The following OCA2 variants were observed in gnomAD, a reference collection of about 807,000 sequenced individuals.
OCA2 encodes the protein OCA2 melanosomal transmembrane protein, also known as P protein.
A neutral mutation model predicts 100.2 loss-of-function variants in OCA2; 77 were observed. That is an observed-to-expected ratio of 0.77 (90% CI 0.64 to 0.93). The LOEUF (loss-of-function observed/expected upper bound fraction) is 0.93. OCA2 is among the 40% of genes least tolerant of loss of function. The pLI, the probability that OCA2 is intolerant of heterozygous loss-of-function variation, is 0.00. For synonymous variants in OCA2, 432 were observed against 439.2 expected, an observed-to-expected ratio of 0.98 and a Z score of 0.21; for missense variants, 1,062 against 1,089.1, an observed-to-expected ratio of 0.98 and a Z score of 0.35.
chr15:27,824,602 C>CTCTCTCTCTCTCTCTCTCTATATA lies in OCA2; in HGVS notation c.2432+20356_2432+20357insTATATAGAGAGAGAGAGAGAGAGA. ...TTTCTCTCTCTCTCTCTCTCTCTCTCTATATATATATATATATATAATATA... is the reference window on the plus strand; with the variant it reads ...TTTCTCTCTCTCTCTCTCTCTCTCTCTCTCTCTCTCTCTCTCTCTATATATATATATATATATATATATAATATA... On this transcript the variant is annotated intron_variant, in intron 23 of 23. Transcript: ENST00000354638. Among the ~76,000 whole-genome samples, 286 of 47,556 alleles carry CTCTCTCTCTCTCTCTCTCTATATA rather than the reference C, an allele frequency of 6.0e-3. 12 individuals are homozygous for CTCTCTCTCTCTCTCTCTCTATATA. The highest frequency in any genetic ancestry group is 0.019 in the East Asian group (1 of 54). The allele number at this position is 47,556 out of a possible 152,430, so 31.2% of individuals were successfully genotyped here.
chr15:28,028,207 T>TTG, intron 3 of OCA2, 148 bp from the exon 4 acceptor site: 1 of 920,216 alleles, frequency 1.1e-6, no homozygotes, highest in South Asian at 1.4e-5. Flanking sequence ...CTCATACTGG[T>TTG]GGGAATGGGT....
chr15:27,752,510 T>C (rs978237328), downstream of OCA2, among the ~76,000 whole-genome samples: 23 of 152,166 alleles, frequency 1.5e-4, no homozygotes, highest in South Asian at 2.1e-4. Context: ...TTTCATCTGC[T>C]GAGGAGCAAA....
At chr15:28,095,872 C>CT (rs768124321) in intron 1 of OCA2, among the ~76,000 whole-genome samples, 1 of 152,204 alleles carries the variant, frequency 6.6e-6, no homozygotes, top group Non-Finnish European at 1.5e-5. Flanking sequence ...TGGACAGTGT[C>CT]TAACATCCAG....
intron 2 of OCA2, among the ~76,000 whole-genome samples, chr15:28,033,392 T>A (rs145124682): frequency 1.3e-3 from 200 of 152,342 alleles, no homozygotes; most frequent in African/African-American, 4.6e-3. Context: ...GAAGAAATTT[T>A]AAGAAAAATA....
At chr15:27,784,299 G>A (rs1203233690) in intron 23 of OCA2, among the ~76,000 whole-genome samples, 1 of 152,158 alleles carries the variant, frequency 6.6e-6, no homozygotes, top group African/African-American at 2.4e-5. Flanking sequence ...GAAGGTTAGG[G>A]TGCATTGAGG....
At chr15:28,003,782 T>C (rs566131809) in intron 9 of OCA2, among the ~76,000 whole-genome samples, 1 of 152,276 alleles carries the variant, frequency 6.6e-6, no homozygotes, top group Non-Finnish European at 1.5e-5. Flanking sequence ...GTCCCACCCC[T>C]AGCCCAGCCT....
At chr15:27,996,280 A>G (rs986701065) in intron 9 of OCA2, among the ~76,000 whole-genome samples, 1 of 152,244 alleles carries the variant, frequency 6.6e-6, no homozygotes, top group African/African-American at 2.4e-5. Flanking sequence ...CAAAATCATT[A>G]GCCTGATTGG....
intron 1 of OCA2, among the ~76,000 whole-genome samples, chr15:28,098,942 C>A (rs1435342883): frequency 1.3e-5 from 2 of 152,238 alleles, no homozygotes; most frequent in Admixed American, 1.3e-4. Flanking sequence ...CCAAACTCCC[C>A]CCACCCATGA....
intron 23 of OCA2, among the ~76,000 whole-genome samples, chr15:27,828,354 G>A (rs905689212): frequency 2.6e-5 from 4 of 152,104 alleles, no homozygotes; most frequent in Admixed American, 6.6e-5. Flanking sequence ...GCTCAGTGCC[G>A]GCATCCCTAG....
intron 14 of OCA2, among the ~76,000 whole-genome samples, chr15:27,972,206 G>A (rs1011673929): frequency 2.6e-5 from 4 of 152,068 alleles, no homozygotes; most frequent in South Asian, 2.1e-4. Flanking sequence ...GTATATACAC[G>A]CATATCTCTC....
chr15:27,922,680 G>GGTGTGTGTGTGTGTGTGT (rs60426286), intron 19 of OCA2, among the ~76,000 whole-genome samples: 8 of 147,208 alleles, frequency 5.4e-5, no homozygotes, highest in African/African-American at 1.7e-4. Context: ...TTTTGTTTGG[G>GGTGTGTGTGTGTGTGTGT]GTGTGTGTGT....
At chr15:27,740,286 G>A in the OCA2 span, among the ~76,000 whole-genome samples, 1 of 152,158 alleles carries the variant, frequency 6.6e-6, no homozygotes, top group African/African-American at 2.4e-5. Context: ...CAGCTTGAGT[G>A]TTCTTGGCTG....
chr15:27,932,392 C>T (rs1016538384), intron 18 of OCA2, among the ~76,000 whole-genome samples: 2 of 151,998 alleles, frequency 1.3e-5, no homozygotes, highest in East Asian at 1.9e-4. Context: ...GCATGTAATG[C>T]GCCACCTGAG....
chr15:27,833,649 CA>C (rs1239413864), intron 23 of OCA2, among the ~76,000 whole-genome samples: 1 of 152,134 alleles, frequency 6.6e-6, no homozygotes, highest in Non-Finnish European at 1.5e-5. Flanking sequence ...TACATAAAAG[CA>C]ATCATTTAGG....
chr15:28,013,800 G>C (rs533087722), intron 9 of OCA2, among the ~76,000 whole-genome samples: 31 of 152,264 alleles, frequency 2.0e-4, no homozygotes, highest in African/African-American at 7.5e-4. Context: ...TCAAATCACA[G>C]GGTGGTCATG....
chr15:27,856,529 C>T (rs1285053148), intron 21 of OCA2, among the ~76,000 whole-genome samples: 1 of 152,086 alleles, frequency 6.6e-6, no homozygotes, highest in East Asian at 1.9e-4. Flanking sequence ...CAATAACGAC[C>T]TTGTCCTCCA....
At chr15:27,929,338 T>C in intron 18 of OCA2, among the ~76,000 whole-genome samples, 1 of 152,230 alleles carries the variant, frequency 6.6e-6, no homozygotes, top group East Asian at 1.9e-4. Context: ...TATACCCATA[T>C]ATTTATGGTC....
In OCA2 at chr15:28,004,563, AAC is replaced by A. The variant is rs1002272756; in HGVS notation, c.1044+10211_1044+10212del. Among the ~76,000 whole-genome samples, 14 of 151,514 alleles carry A rather than the reference AAC, an allele frequency of 9.2e-5. No individual in the cohort carries two copies. The South Asian group carries it at 1.3e-3, about 14-fold the overall frequency. Reference sequence around the variant, plus strand: ...ACCCTCCCTCACATGCCCACACACTAACACAGTCTCACACTCACACACTAACT... The same window carrying A: ...ACCCTCCCTCACATGCCCACACACTAACAGTCTCACACTCACACACTAACT... On this transcript the variant is annotated intron_variant, in intron 9 of 23. Transcript: ENST00000354638.
chr15:27,899,685 C>G (rs1302577106), intron 19 of OCA2, among the ~76,000 whole-genome samples: 2 of 152,170 alleles, frequency 1.3e-5, no homozygotes, highest in Non-Finnish European at 2.9e-5. Context: ...CTCCATTACC[C>G]AGAAGCAGCT....
Sources: allele counts gnomAD v4.1 joint callset (sites outside exome capture counted in the v4.1 genomes callset), GRCh38; gene constraint gnomAD v4.1.1; transcripts MANE v1.5; gene names NCBI Gene and HGNC (gene_info 2026-07-23, HGNC 2026-07-21).